LYPD6B: variants seen among roughly 807,000 people sequenced by gnomAD.
The protein encoded by LYPD6B is ly6/PLAUR domain-containing protein 6B.
Under a neutral mutation model 22.8 loss-of-function variants are expected in LYPD6B, and 17 were observed. That is an observed-to-expected ratio of 0.75 (90% CI 0.51 to 1.12). The LOEUF (loss-of-function observed/expected upper bound fraction) is 1.12, where lower values mean the gene tolerates loss of function less well. LYPD6B is among the 50% of genes most tolerant of loss of function. The probability of loss-of-function intolerance (pLI) is 0.00; values close to 1 mark genes in which losing one functional copy is unlikely to be tolerated. For missense variants in LYPD6B, 221 were observed against 258.3 expected, an observed-to-expected ratio of 0.86 and a Z score of 0.99; for synonymous variants, 106 against 91.6, an observed-to-expected ratio of 1.16 and a Z score of -0.90.
At chr2:149,147,336 T>C (rs1689087930) in intron 2 of LYPD6B, among the ~76,000 whole-genome samples, 1 of 152,186 alleles carries the variant, frequency 6.6e-6, no homozygotes, top group African/African-American at 2.4e-5. Context: ...CCCAAGTCAT[T>C]AATCCAGAGG....
At chr2:149,079,019 TA>T (rs397974067) in intron 1 of LYPD6B, among the ~76,000 whole-genome samples, 1 of 149,786 alleles carries the variant, frequency 6.7e-6, no homozygotes, top group Non-Finnish European at 1.5e-5. Context: ...TTTTTTTTTT[TA>T]AATGCTTATT....
At chr2:149,140,418 A>T (rs1688622884) in intron 2 of LYPD6B, among the ~76,000 whole-genome samples, 1 of 152,142 alleles carries the variant, frequency 6.6e-6, no homozygotes, top group Non-Finnish European at 1.5e-5. Flanking sequence ...ATTCCCTCAC[A>T]TAGGGTAGTG....
rs566566678 is a variant in LYPD6B at position 149,061,866 on chromosome 2, A to G, written c.-67+23065A>G. 7.9e-4 allele frequency among the ~76,000 whole-genome samples: 121 copies of G among 152,332 alleles called. 1 individual carries two copies. Among genetic ancestry groups the G allele is most frequent in the African/African-American group, 2.4e-3 (99 of 41,574 alleles). On this transcript the variant is annotated intron_variant, in intron 1 of 6. Coordinates refer to ENST00000409642, the MANE Select transcript of LYPD6B (RefSeq NM_177964.5). ...AAATTTCTTATAATGATAGTTATTTATTAGGTTAAAAAGTTAAACATTATC... is the reference window on the plus strand; with the variant it reads ...AAATTTCTTATAATGATAGTTATTTGTTAGGTTAAAAAGTTAAACATTATC...
At chr2:149,099,153 A>C (rs1483550045) in intron 1 of LYPD6B, among the ~76,000 whole-genome samples, 1 of 152,234 alleles carries the variant, frequency 6.6e-6, no homozygotes, top group African/African-American at 2.4e-5. Context: ...CACTTGTCTT[A>C]AATCTGTTTC....
chr2:149,164,916 A>C (rs149253262), intron 3 of LYPD6B, among the ~76,000 whole-genome samples: 9 of 152,326 alleles, frequency 5.9e-5, no homozygotes, highest in African/African-American at 4.8e-5. Flanking sequence ...AAACCACCTC[A>C]TACATAGTGG....
intron 3 of LYPD6B, among the ~76,000 whole-genome samples, chr2:149,169,994 G>A (rs1188001464): frequency 6.6e-6 from 1 of 152,158 alleles, no homozygotes; most frequent in Non-Finnish European, 1.5e-5. Context: ...TTAGTAATAT[G>A]AATTATATAA....
At chr2:149,201,815 A>G (rs1693176912) in intron 3 of LYPD6B, among the ~76,000 whole-genome samples, 1 of 152,216 alleles carries the variant, frequency 6.6e-6, no homozygotes, top group Non-Finnish European at 1.5e-5. Flanking sequence ...ATATGGAAGC[A>G]ATTTTTGGTA....
chr2:149,065,911 CT>C (rs1199602414), intron 1 of LYPD6B, among the ~76,000 whole-genome samples: 4 of 152,022 alleles, frequency 2.6e-5, no homozygotes, highest in African/African-American at 9.7e-5. Flanking sequence ...TAGTTTTCGC[CT>C]TGTTACTCAG....
chr2:149,071,982 ACT>A (rs1558980823), intron 1 of LYPD6B, among the ~76,000 whole-genome samples: 1 of 152,026 alleles, frequency 6.6e-6, no homozygotes, highest in African/African-American at 2.4e-5. Flanking sequence ...CCCAAGCTGG[ACT>A]ACAGTGGCGC....
chr2:149,214,784 G>T lies in LYPD6B; in HGVS notation c.*74G>T. On this transcript the variant is annotated 3_prime_UTR_variant, in exon 7 of 7. Transcript: ENST00000409642. ...AAAAACTGTGTGAACGGTGAACTTT[G>T]GAGTGAAGATCAATCTTGCACTTGG... The T allele has an allele frequency of 1.3e-5, 20 of 1,481,578 alleles. No homozygotes were observed. The highest frequency in any genetic ancestry group is 1.8e-5 in the Non-Finnish European group (19 of 1,064,298). 91.8% of individuals were successfully genotyped at this position (1,481,578 alleles called of 1,614,324 possible). A position where few individuals can be genotyped will look rare whatever the true frequency, so the allele number is the denominator to read the frequency against.
chr2:149,137,259 T>C (rs997036144), intron 2 of LYPD6B, among the ~76,000 whole-genome samples: 24 of 152,216 alleles, frequency 1.6e-4, no homozygotes, highest in African/African-American at 3.4e-4. Context: ...AAAGCCATGA[T>C]TGAATCCACT....
chr2:149,166,335 T>C (rs1339031332), intron 3 of LYPD6B, among the ~76,000 whole-genome samples: 1 of 152,182 alleles, frequency 6.6e-6, no homozygotes, highest in Non-Finnish European at 1.5e-5. Flanking sequence ...GCTGACATTT[T>C]TGAGGTCACC....
At chr2:149,164,523 A>G (rs1003701367) in intron 3 of LYPD6B, among the ~76,000 whole-genome samples, 1 of 152,128 alleles carries the variant, frequency 6.6e-6, no homozygotes, top group African/African-American at 2.4e-5. Context: ...AATATCCAAG[A>G]CCTGTGGAAT....
intron 3 of LYPD6B, among the ~76,000 whole-genome samples, chr2:149,178,285 T>C (rs544423262): frequency 1.4e-4 from 21 of 152,338 alleles, no homozygotes; most frequent in Non-Finnish European, 3.1e-4. Context: ...TCTATCGCCA[T>C]CCAATAATGT....
intron 1 of LYPD6B, among the ~76,000 whole-genome samples, chr2:149,094,499 T>C (rs1685812632): frequency 6.6e-6 from 1 of 152,220 alleles, no homozygotes; most frequent in Non-Finnish European, 1.5e-5. Context: ...GGGAGACTGC[T>C]GCCCTGTGGT....
chr2:149,187,553 A>T, intron 3 of LYPD6B: 2 of 1,448,556 alleles, frequency 1.4e-6, no homozygotes, highest in Non-Finnish European at 1.8e-6. Flanking sequence ...AGGCAACGTC[A>T]ATGAACAACA....
At chr2:149,174,144 T>C (rs188753101) in intron 3 of LYPD6B, among the ~76,000 whole-genome samples, 2 of 152,330 alleles carry the variant, frequency 1.3e-5, no homozygotes, top group African/African-American at 2.4e-5. Flanking sequence ...TATTTTATTC[T>C]TTTTGTGGCA....
At chr2:149,187,417 A>G (rs1692187379) in intron 3 of LYPD6B, 13 of 1,522,592 alleles carry the variant, frequency 8.5e-6, no homozygotes, top group Non-Finnish European at 1.1e-5. Flanking sequence ...TAAGATTATT[A>G]TTTTCTAGAT....
chr2:149,186,050 A>C (rs1041845723), intron 3 of LYPD6B, among the ~76,000 whole-genome samples: 2 of 152,176 alleles, frequency 1.3e-5, no homozygotes, highest in East Asian at 3.8e-4. Flanking sequence ...TCAATTAATA[A>C]CCCTATGGCC....
Sources: gnomAD v4.1 joint callset for allele counts (sites outside exome capture counted in the v4.1 genomes callset) on GRCh38, gnomAD v4.1.1 for gene constraint, MANE v1.5 for transcripts, NCBI Gene and HGNC (gene_info 2026-07-23, HGNC 2026-07-21) for gene names.